Variants in KCNMB4 observed in about 807,000 individuals in gnomAD.
The protein encoded by KCNMB4 is calcium-activated potassium channel subunit beta-4.
In KCNMB4, 3 loss-of-function variants were observed where a neutral mutation model predicts 20.7. The observed-to-expected ratio is 0.14, with a 90% CI of 0.07 to 0.37. KCNMB4 has a LOEUF of 0.37. Among genes scored for constraint, KCNMB4 ranks in the 10% least tolerant of loss-of-function variants. The probability of loss-of-function intolerance (pLI) is 1.00; values close to 1 mark genes in which losing one functional copy is unlikely to be tolerated. For missense variants in KCNMB4, 168 were observed against 265.9 expected (o/e 0.63, Z 2.56); for synonymous variants, 110 against 113.4 (o/e 0.97, Z 0.19).
chr12:70,400,119 G>A, intron 1 of KCNMB4, 90 bp from the exon 2 acceptor site: 1 of 1,009,316 alleles, frequency 9.9e-7, no homozygotes, highest in Non-Finnish European at 1.4e-6. Flanking sequence ...TAGATTTACT[G>A]TCTTTATAAT....
chr12:70,383,324 G>A (rs80065901), intron 1 of KCNMB4, among the ~76,000 whole-genome samples: 6,568 of 152,210 alleles, frequency 0.043, 449 homozygotes, highest in East Asian at 0.33. Flanking sequence ...ATTAATTAAT[G>A]CAATGTTGAG....
chr12:70,367,218 A>T lies in KCNMB4; in HGVS notation c.336+148A>T, dbSNP rs376983672. 5 of 574,518 alleles carry T rather than the reference A, an allele frequency of 8.7e-6. No homozygotes were observed. The African/African-American group carries it at 9.4e-5, about 11-fold the overall frequency. The allele number at this position is 574,518 out of a possible 1,614,324, so 35.6% of individuals were successfully genotyped here. On this transcript the variant is annotated intron_variant, in intron 1 of 2. Coordinates refer to ENST00000258111, the MANE Select transcript of KCNMB4 (RefSeq NM_014505.6). ...GCAGGCTGTGCTCAAACCAGGAATG[A>T]CTACATCAGGGAGCCCCAGGGCTCC... is the stretch of plus-strand genomic sequence containing the variant.
At chr12:70,417,376 C>G (rs1228046697) in intron 2 of KCNMB4, among the ~76,000 whole-genome samples, 1 of 152,058 alleles carries the variant, frequency 6.6e-6, no homozygotes. Flanking sequence ...ATTGGAGGCT[C>G]CTCAAGGAGG....
chr12:70,423,644 A>AT (rs1869129850), intron 2 of KCNMB4, among the ~76,000 whole-genome samples: 1 of 151,936 alleles, frequency 6.6e-6, no homozygotes, highest in Non-Finnish European at 1.5e-5. Flanking sequence ...CGCCCATCGA[A>AT]TTTTTTTATA....
chr12:70,367,142 C>T, intron 1 of KCNMB4, 72 bp downstream of exon 1: 3 of 1,246,892 alleles, frequency 2.4e-6, no homozygotes, highest in East Asian at 2.5e-5. Context: ...TTAGACTCCG[C>T]GCGGGGAGGG....
At chr12:70,408,070 A>G (rs866556047) in intron 2 of KCNMB4, among the ~76,000 whole-genome samples, 22 of 152,282 alleles carry the variant, frequency 1.4e-4, no homozygotes, top group Middle Eastern at 3.4e-3. Context: ...ACGGATACAC[A>G]TTCCCTATCC....
chr12:70,425,347 A>G (rs527607986), intron 2 of KCNMB4, among the ~76,000 whole-genome samples: 184 of 152,304 alleles, frequency 1.2e-3, no homozygotes, highest in Non-Finnish European at 2.3e-3. Context: ...CTGAGGCAGG[A>G]GAATGGCGTA....
chr12:70,402,758 G>T (rs1424121770), intron 2 of KCNMB4, among the ~76,000 whole-genome samples: 1 of 151,450 alleles, frequency 6.6e-6, no homozygotes, highest in Admixed American at 6.6e-5. Context: ...ACTTAATAGT[G>T]TTACCAAAAC....
At chr12:70,425,087 G>C (rs1482375326) in intron 2 of KCNMB4, among the ~76,000 whole-genome samples, 1 of 152,160 alleles carries the variant, frequency 6.6e-6, no homozygotes, top group African/African-American at 2.4e-5. Flanking sequence ...CATGGGTTGT[G>C]TTTTAATACA....
intron 2 of KCNMB4, among the ~76,000 whole-genome samples, chr12:70,407,464 T>TC (rs1288214275): frequency 1.6e-5 from 2 of 123,106 alleles, no homozygotes; most frequent in Non-Finnish European, 1.7e-5. Context: ...TGAATTCTTT[T>TC]TTTTTTTTTT....
intron 2 of KCNMB4, among the ~76,000 whole-genome samples, chr12:70,409,130 T>A (rs1868696800): frequency 6.6e-6 from 1 of 152,206 alleles, no homozygotes; most frequent in African/African-American, 2.4e-5. Context: ...CAGGTTTACT[T>A]TTTAGTACTT....
intron 2 of KCNMB4, among the ~76,000 whole-genome samples, chr12:70,417,090 A>G (rs940345354): frequency 2.0e-5 from 3 of 152,232 alleles, no homozygotes; most frequent in Non-Finnish European, 4.4e-5. Flanking sequence ...GCTATAGAAA[A>G]GAAAATAAAT....
chr12:70,369,992 C>T (rs762393223), intron 1 of KCNMB4, among the ~76,000 whole-genome samples: 1 of 152,104 alleles, frequency 6.6e-6, no homozygotes, highest in East Asian at 1.9e-4. Flanking sequence ...GTTGTATATG[C>T]TAGGAGCTTT....
intron 2 of KCNMB4, among the ~76,000 whole-genome samples, chr12:70,407,457 A>ATTTTT (rs1868636163): frequency 1.1e-5 from 1 of 93,502 alleles, no homozygotes; most frequent in South Asian, 4.3e-4. Flanking sequence ...GTGGTGCTGA[A>ATTTTT]TTCTTTTTTT....
intron 2 of KCNMB4, among the ~76,000 whole-genome samples, chr12:70,423,608 G>A (rs34974649): frequency 0.11 from 17,459 of 151,968 alleles, 1,193 homozygotes; most frequent in East Asian, 0.34. Flanking sequence ...CCCCTAAATA[G>A]CCAAGACTAC....
chr12:70,370,014 A>G (rs1314101894), intron 1 of KCNMB4, among the ~76,000 whole-genome samples: 1 of 152,156 alleles, frequency 6.6e-6, no homozygotes, highest in East Asian at 1.9e-4. Context: ...GTTCTCACCT[A>G]TGGCTGTACC....
intron 1 of KCNMB4, among the ~76,000 whole-genome samples, chr12:70,380,770 T>C (rs1351964088): frequency 2.0e-5 from 3 of 152,138 alleles, no homozygotes; most frequent in Non-Finnish European, 2.9e-5. Context: ...AATATCCACA[T>C]GCCAAGGAAT....
At chr12:70,384,865 C>G (rs1474801355) in intron 1 of KCNMB4, among the ~76,000 whole-genome samples, 1 of 119,490 alleles carries the variant, frequency 8.4e-6, no homozygotes, top group African/African-American at 3.4e-5. Context: ...CACAGTGAGA[C>G]CCTGTCTCAA....
chr12:70,409,342 G>T (rs1408110152), intron 2 of KCNMB4, among the ~76,000 whole-genome samples: 2 of 152,146 alleles, frequency 1.3e-5, no homozygotes, highest in Non-Finnish European at 2.9e-5. Context: ...TCTCTTGTCT[G>T]TCATCCACAC....
Sources: gnomAD v4.1 joint callset for allele counts (sites outside exome capture counted in the v4.1 genomes callset) on GRCh38, gnomAD v4.1.1 for gene constraint, MANE v1.5 for transcripts, NCBI Gene and HGNC (gene_info 2026-07-23, HGNC 2026-07-21) for gene names.